SCAPER: variants seen among roughly 807,000 people sequenced by gnomAD.
SCAPER encodes S-phase cyclin A associated protein in the ER.
SCAPER carries 98 observed loss-of-function variants against 182.2 expected under a neutral mutation model. The ratio of observed to expected loss-of-function variants is 0.54; its 90% CI spans 0.46 to 0.64. SCAPER has a LOEUF of 0.64. Among genes scored for constraint, SCAPER ranks in the 30% least tolerant of loss-of-function variants. The pLI is 0.00. For missense variants in SCAPER, 1,432 were observed against 1,690.0 expected (o/e 0.85, Z 2.68); for synonymous variants, 605 against 564.6 (o/e 1.07, Z -1.01).
Position 76,811,728 on chromosome 15 carries a change from C to T in SCAPER, c.394-7095G>A, listed in dbSNP as rs188050954. Among the ~76,000 whole-genome samples, 1,237 of 151,622 alleles carry T rather than the reference C, an allele frequency of 8.2e-3. 12 individuals carry two copies. Among genetic ancestry groups the T allele is most frequent in the African/African-American group, 0.028 (1,172 of 41,328 alleles). ...GCTTGAACCCAGGAGGTGGAGGTTGCGGTGAGCTGAGATCACGCCATTGCA... is the reference window on the plus strand; with the variant it reads ...GCTTGAACCCAGGAGGTGGAGGTTGTGGTGAGCTGAGATCACGCCATTGCA... On this transcript the variant is annotated intron_variant, in intron 5 of 31. Coordinates refer to ENST00000563290, the MANE Select transcript of SCAPER (RefSeq NM_020843.4).
intron 21 of SCAPER, among the ~76,000 whole-genome samples, chr15:76,643,952 G>C (rs1393112436): frequency 6.6e-6 from 1 of 152,090 alleles, no homozygotes; most frequent in Admixed American, 6.5e-5. Context: ...TGTGATGCAG[G>C]ATCTGATCTG....
chr15:76,767,508 T>C (rs2063187023), intron 10 of SCAPER, among the ~76,000 whole-genome samples: 1 of 152,184 alleles, frequency 6.6e-6, no homozygotes, highest in African/African-American at 2.4e-5. Flanking sequence ...GTGATGATGC[T>C]TTCTGAACAT....
In SCAPER at chr15:76,444,733, G is replaced by A. The variant is rs1012917438; in HGVS notation, c.3079-10423C>T. 1.3e-4 allele frequency among the ~76,000 whole-genome samples: 20 copies of A among 152,276 alleles called. No homozygotes were observed. The East Asian group carries it at 1.7e-3, about 13-fold the overall frequency. On this transcript the variant is annotated intron_variant, in intron 25 of 31. Transcript: ENST00000563290. Reference sequence around the variant, plus strand: ...ATGACATGAATGTTAGATCCCATGAGTCTGGTGACATGAATGTTAGATTTC... The same window carrying A: ...ATGACATGAATGTTAGATCCCATGAATCTGGTGACATGAATGTTAGATTTC...
chr15:76,632,274 C>A (rs575433413), intron 21 of SCAPER, among the ~76,000 whole-genome samples: 9 of 152,246 alleles, frequency 5.9e-5, no homozygotes, highest in African/African-American at 2.2e-4. Context: ...ACTGCAACCT[C>A]CACCTGCTGG....
At chr15:76,885,080 T>G (rs1419960687) in intron 1 of SCAPER, among the ~76,000 whole-genome samples, 1 of 152,204 alleles carries the variant, frequency 6.6e-6, no homozygotes, top group Non-Finnish European at 1.5e-5. Context: ...ATGAAAATGT[T>G]CTAAAATTAA....
At chr15:76,506,710 C>T (rs1301116602) in intron 23 of SCAPER, among the ~76,000 whole-genome samples, 2 of 152,050 alleles carry the variant, frequency 1.3e-5, no homozygotes, top group South Asian at 2.1e-4. Flanking sequence ...TAATTACCAC[C>T]TAACAATATA....
intron 21 of SCAPER, among the ~76,000 whole-genome samples, chr15:76,624,184 G>T (rs939487270): frequency 6.6e-6 from 1 of 152,140 alleles, no homozygotes; most frequent in African/African-American, 2.4e-5. Flanking sequence ...ACCGATAGAC[G>T]ACTTCAGTAA....
At chr15:76,769,201 G>C (rs917620614) in intron 10 of SCAPER, among the ~76,000 whole-genome samples, 2 of 151,624 alleles carry the variant, frequency 1.3e-5, no homozygotes. Context: ...CCAGCACTTT[G>C]GGAGGCCGAG....
chr15:76,708,611 A>G (rs1194885836), intron 17 of SCAPER, among the ~76,000 whole-genome samples: 1 of 152,166 alleles, frequency 6.6e-6, no homozygotes, highest in Non-Finnish European at 1.5e-5. Context: ...AAGGAAATAA[A>G]TGATAAACAT....
intron 23 of SCAPER, among the ~76,000 whole-genome samples, chr15:76,566,226 T>C (rs574248811): frequency 6.6e-6 from 1 of 152,162 alleles, no homozygotes; most frequent in Non-Finnish European, 1.5e-5. Context: ...TTCTACCTTA[T>C]ACAGGTATCG....
chr15:76,421,381 G>C (rs937780449), intron 26 of SCAPER, among the ~76,000 whole-genome samples: 5 of 152,210 alleles, frequency 3.3e-5, no homozygotes, highest in Non-Finnish European at 5.9e-5. Flanking sequence ...GTGATGATGA[G>C]CATTTTTTCA....
At chr15:76,370,210 G>T (rs572744455) in intron 29 of SCAPER, among the ~76,000 whole-genome samples, 1 of 151,566 alleles carries the variant, frequency 6.6e-6, no homozygotes, top group Non-Finnish European at 1.5e-5. Context: ...GAACTCACAG[G>T]GGAGGTCATC....
At chr15:76,618,827 G>A (rs929369550) in intron 22 of SCAPER, among the ~76,000 whole-genome samples, 7 of 152,186 alleles carry the variant, frequency 4.6e-5, no homozygotes, top group Non-Finnish European at 8.8e-5. Flanking sequence ...ATATACAAAT[G>A]ACAAATTCTC....
chr15:76,365,304 G>C (rs963491663), intron 29 of SCAPER, among the ~76,000 whole-genome samples: 1 of 152,192 alleles, frequency 6.6e-6, no homozygotes, highest in African/African-American at 2.4e-5. Context: ...ATGTTCATAG[G>C]GATGAAAAGC....
At position 76,381,389 on chromosome 15, in the gene SCAPER, G is replaced by A. The variant is rs1464580550; in HGVS notation, c.3694C>T (p.Pro1232Ser). The change falls in exon 28 of 32, where the codon CCT becomes TCT. Residue 1232 changes from proline (P) to serine (S), a missense_variant. Physicochemically the swap from Pro to Ser is moderately conservative, Grantham distance 74 (BLOSUM62 -1). Around this residue, in one of 5 missense-constraint regions of SCAPER, gnomAD observed 718 missense variants for 799.7 expected, o/e 0.90. Transcript: ENST00000563290. Reference sequence around the variant, plus strand: ...CCAATACTTGGTACCTGAAAAGCAGGCAGATGAAGAGCTGCAAAGCTGTTG... The same window carrying A: ...CCAATACTTGGTACCTGAAAAGCAGACAGATGAAGAGCTGCAAAGCTGTTG... ...FFNSFAALHL[P>S]AFQSIVGAEG... 1 of 1,612,852 alleles carries A rather than the reference G, an allele frequency of 6.2e-7. No individual in the cohort carries two copies. The highest frequency in any genetic ancestry group is 1.7e-4 in the Middle Eastern group (1 of 6,058).
At chr15:76,626,471 C>T (rs1306805559) in intron 21 of SCAPER, among the ~76,000 whole-genome samples, 1 of 152,146 alleles carries the variant, frequency 6.6e-6, no homozygotes, top group Admixed American at 6.5e-5. Context: ...AATCCTAGCA[C>T]TTTGAGAGGC....
At chr15:76,455,489 C>T (rs1271323013) in intron 25 of SCAPER, among the ~76,000 whole-genome samples, 2 of 151,758 alleles carry the variant, frequency 1.3e-5, no homozygotes, top group African/African-American at 4.8e-5. Context: ...TTTTAAAGAG[C>T]TGGGTCTCGC....
chr15:76,659,789 T>C (rs2146675919), intron 21 of SCAPER, among the ~76,000 whole-genome samples: 1 of 152,314 alleles, frequency 6.6e-6, no homozygotes, highest in East Asian at 1.9e-4. Context: ...AATGCTCATA[T>C]ATTGTTGGTG....
In SCAPER at chr15:76,621,750, T is replaced by C. The variant is rs1439890937; in HGVS notation, c.2711+14A>G. ...AGACTGAAGAAAAGGAGAACTAAAA[T>C]GTGGAATACTCACTTTGCTTTATAA... On this transcript the variant is annotated intron_variant, in intron 22 of 31. Transcript: ENST00000563290. The C allele has an allele frequency of 1.3e-6, 2 of 1,596,780 alleles. No homozygotes were observed. Among genetic ancestry groups the C allele is most frequent in the Non-Finnish European group, 8.5e-7 (1 of 1,170,228 alleles).
Sources: allele counts gnomAD v4.1 joint callset (sites outside exome capture counted in the v4.1 genomes callset), GRCh38; gene constraint gnomAD v4.1.1; regional missense constraint gnomAD v4.1.1; transcripts MANE v1.5; gene names NCBI Gene and HGNC (gene_info 2026-07-23, HGNC 2026-07-21).